Variants in ATG4C observed in about 807,000 individuals in gnomAD.
The protein encoded by ATG4C is cysteine protease ATG4C.
In ATG4C, 56 loss-of-function variants were observed where a neutral mutation model predicts 57.6. That is an observed-to-expected ratio of 0.97 (90% confidence interval 0.78 to 1.21). ATG4C has a LOEUF of 1.21. ATG4C is among the 50% of genes most tolerant of loss of function. ATG4C has a pLI of 0.00. For missense variants in ATG4C, 595 were observed against 529.8 expected, an observed-to-expected ratio of 1.12 and a Z score of -1.21; for synonymous variants, 157 against 174.1, an observed-to-expected ratio of 0.90 and a Z score of 0.78.
chr1:62,791,966 C>T (rs1011262840), intron 1 of ATG4C, among the ~76,000 whole-genome samples: 2 of 151,986 alleles, frequency 1.3e-5, no homozygotes, highest in African/African-American at 4.8e-5. Flanking sequence ...TGATGTTGCT[C>T]GGTCTACCAT....
At chr1:62,835,896 G>A (rs955832986) in intron 9 of ATG4C, among the ~76,000 whole-genome samples, 30 of 152,102 alleles carry the variant, frequency 2.0e-4, no homozygotes, top group African/African-American at 7.2e-4. Flanking sequence ...TTCTCTTTCT[G>A]CCTTGTGGTC....
intron 9 of ATG4C, chr1:62,835,280 C>A: frequency 8.1e-6 from 2 of 247,164 alleles, no homozygotes; most frequent in East Asian, 1.2e-4. Context: ...GCTTTGAGTA[C>A]AGTAATTAAA....
chr1:62,830,635 A>G (rs1320767291), intron 7 of ATG4C, among the ~76,000 whole-genome samples: 1 of 152,126 alleles, frequency 6.6e-6, no homozygotes, highest in Non-Finnish European at 1.5e-5. Context: ...GCATCCTGCT[A>G]CATTGTATGA....
intron 6 of ATG4C, among the ~76,000 whole-genome samples, chr1:62,823,055 C>G (rs780538495): frequency 5.3e-5 from 8 of 152,136 alleles, no homozygotes; most frequent in Non-Finnish European, 7.4e-5. Flanking sequence ...ACTCGGGAGG[C>G]TGGGGTGGGA....
chr1:62,843,056 A>G (rs1241290234), intron 10 of ATG4C, among the ~76,000 whole-genome samples: 6 of 152,132 alleles, frequency 3.9e-5, no homozygotes, highest in Non-Finnish European at 7.4e-5. Context: ...GTTTCCATTC[A>G]TGTATTTTCT....
chr1:62,827,455 A>T (rs796776825), intron 6 of ATG4C, among the ~76,000 whole-genome samples: 11 of 152,092 alleles, frequency 7.2e-5, no homozygotes, highest in African/African-American at 2.6e-4. Context: ...CTTATTTTAA[A>T]TTGCCTCCCC....
At chr1:62,854,074 A>C (rs896436197) in intron 10 of ATG4C, among the ~76,000 whole-genome samples, 9 of 151,402 alleles carry the variant, frequency 5.9e-5, no homozygotes, top group Non-Finnish European at 1.3e-4. Flanking sequence ...GTTGTTATTG[A>C]TATTTTTTCT....
chr1:62,838,706 G>C (rs1175279795), intron 9 of ATG4C, among the ~76,000 whole-genome samples: 1 of 151,894 alleles, frequency 6.6e-6, no homozygotes, highest in African/African-American at 2.4e-5. Flanking sequence ...CTTGAACCTG[G>C]GAGGCAGAGG....
At chr1:62,844,401 G>T (rs1666266321) in intron 10 of ATG4C, among the ~76,000 whole-genome samples, 1 of 152,112 alleles carries the variant, frequency 6.6e-6, no homozygotes, top group African/African-American at 2.4e-5. Flanking sequence ...ATGATGAAAA[G>T]AAAAATATTC....
At chr1:62,838,453 G>C (rs529028231) in intron 9 of ATG4C, among the ~76,000 whole-genome samples, 11 of 152,280 alleles carry the variant, frequency 7.2e-5, no homozygotes, top group African/African-American at 2.4e-4. Flanking sequence ...AATTCATGTT[G>C]GTTGGCCTTT....
chr1:62,852,047 A>G (rs1273196511), intron 10 of ATG4C, among the ~76,000 whole-genome samples: 3 of 152,138 alleles, frequency 2.0e-5, no homozygotes, highest in Non-Finnish European at 4.4e-5. Flanking sequence ...TACCTTACAC[A>G]TTTTTATTTG....
chr1:62,798,695 A>C (rs1402833632), intron 1 of ATG4C, among the ~76,000 whole-genome samples: 1 of 151,480 alleles, frequency 6.6e-6, no homozygotes, highest in African/African-American at 2.4e-5. Flanking sequence ...CCCAGGCTGG[A>C]GTGCAGTGGC....
chr1:62,784,318 T>G (rs919127499), intron 1 of ATG4C, 45 bp downstream of exon 1: 1 of 152,426 alleles, frequency 6.6e-6, no homozygotes, highest in Non-Finnish European at 1.5e-5. Flanking sequence ...AGTTTGGGAC[T>G]TAGCGTCTCT....
In ATG4C at chr1:62,814,613, A is replaced by G. The variant is rs148099330; in HGVS notation, c.161-1962A>G. 5.3e-3 allele frequency among the ~76,000 whole-genome samples: 804 copies of G among 152,250 alleles called. 10 individuals carry two copies. Among genetic ancestry groups the G allele is most frequent in the African/African-American group, 0.019 (780 of 41,554 alleles). ...TATAATAATAATAAAAAATATAGCCACTTCAGCTTTCTTTTGCTTAAAGTT... is the reference window on the plus strand; with the variant it reads ...TATAATAATAATAAAAAATATAGCCGCTTCAGCTTTCTTTTGCTTAAAGTT... On this transcript the variant is annotated intron_variant, in intron 3 of 10. Transcript: ENST00000317868.
At chr1:62,804,353 G>A (rs1664785780) in intron 2 of ATG4C, among the ~76,000 whole-genome samples, 1 of 152,052 alleles carries the variant, frequency 6.6e-6, no homozygotes, top group Non-Finnish European at 1.5e-5. Context: ...GCCTCCCAAA[G>A]TGCTGGGATT....
intron 1 of ATG4C, among the ~76,000 whole-genome samples, chr1:62,793,353 T>C (rs1368933797): frequency 6.6e-6 from 1 of 151,124 alleles, no homozygotes; most frequent in Non-Finnish European, 1.5e-5. Flanking sequence ...GGCTCATGCC[T>C]GTAGTCCTAG....
chr1:62,798,581 A>T (rs774407372), intron 1 of ATG4C, among the ~76,000 whole-genome samples: 1 of 151,992 alleles, frequency 6.6e-6, no homozygotes, highest in African/African-American at 2.4e-5. Context: ...GGCTCAAGGG[A>T]TCATCTTTCA....
chr1:62,843,610 T>G (rs1021201134), intron 10 of ATG4C, among the ~76,000 whole-genome samples: 1 of 152,200 alleles, frequency 6.6e-6, no homozygotes, highest in African/African-American at 2.4e-5. Context: ...TAGAGTCTCA[T>G]GTTTAATTCG....
intron 10 of ATG4C, among the ~76,000 whole-genome samples, chr1:62,843,533 A>C (rs1187908048): frequency 2.6e-5 from 4 of 152,300 alleles, no homozygotes; most frequent in Non-Finnish European, 4.4e-5. Flanking sequence ...AAATAACTTA[A>C]AATTATTTGT....
Sources: gnomAD v4.1 joint callset for allele counts (sites outside exome capture counted in the v4.1 genomes callset) on GRCh38, gnomAD v4.1.1 for gene constraint, MANE v1.5 for transcripts, NCBI Gene and HGNC (gene_info 2026-07-23, HGNC 2026-07-21) for gene names.